FADS2: variants seen among roughly 807,000 people sequenced by gnomAD.
FADS2 encodes fatty acid desaturase 2.
In FADS2, 18 loss-of-function variants were observed where a neutral mutation model predicts 61.2. That is an observed-to-expected ratio of 0.29 (90% CI 0.20 to 0.44). The LOEUF is 0.44. Ranked by LOEUF, FADS2 falls within the 20% of genes least tolerant of loss-of-function variation. FADS2 has a pLI of 1.00. For synonymous variants in FADS2, 203 were observed against 223.9 expected (o/e 0.91, Z 0.83); for missense variants, 322 against 572.7 (o/e 0.56, Z 4.47).
intron 5 of FADS2, among the ~76,000 whole-genome samples, chr11:61,852,221 G>A (rs1239606310): frequency 1.3e-5 from 2 of 152,138 alleles, no homozygotes; most frequent in Admixed American, 6.5e-5. Context: ...TTGGAAGCTC[G>A]TAGTGGGGTG....
chr11:61,825,690 A>G (rs1450269186), upstream of FADS2, among the ~76,000 whole-genome samples: 1 of 151,374 alleles, frequency 6.6e-6, no homozygotes, highest in African/African-American at 2.4e-5. Flanking sequence ...CAGGAGATCG[A>G]GACCATCCTG....
intron 1 of FADS2, among the ~76,000 whole-genome samples, chr11:61,818,591 A>T (rs1247958691): frequency 6.6e-6 from 1 of 152,230 alleles, no homozygotes; most frequent in East Asian, 1.9e-4. Context: ...ATCTGTTAAC[A>T]CAATGAAGAA....
intron 5 of FADS2, among the ~76,000 whole-genome samples, chr11:61,850,109 T>C (rs1339178407): frequency 3.3e-5 from 5 of 151,994 alleles, no homozygotes; most frequent in African/African-American, 1.2e-4. Flanking sequence ...TGGATGCCCT[T>C]CCCCCCCAGT....
At chr11:61,863,407 C>T in intron 9 of FADS2, 29 bp downstream of exon 9, 1 of 1,513,840 alleles carries the variant, frequency 6.6e-7, no homozygotes, top group Non-Finnish European at 9.2e-7. Flanking sequence ...GTCACCAGAG[C>T]CTGGTCCCAA....
At chr11:61,845,935 CATCT>C (rs2067255000) in intron 4 of FADS2, among the ~76,000 whole-genome samples, 1 of 152,104 alleles carries the variant, frequency 6.6e-6, no homozygotes, top group African/African-American at 2.4e-5. Context: ...TGCTTTCCTC[CATCT>C]GTTTGTTCAA....
chr11:61,833,603 A>G (rs1311639851), intron 1 of FADS2, among the ~76,000 whole-genome samples: 1 of 152,170 alleles, frequency 6.6e-6, no homozygotes, highest in African/African-American at 2.4e-5. Flanking sequence ...CTGATTTCTT[A>G]TCTCTAAAAA....
intron 5 of FADS2, among the ~76,000 whole-genome samples, chr11:61,853,438 AGCTGAGTTTAATAGCGGTGATATTG>A (rs1193556310): frequency 6.6e-6 from 1 of 151,530 alleles, no homozygotes; most frequent in Non-Finnish European, 1.5e-5. Context: ...GAAATTTCAG[AGCTGAGTTTAATAGCGGTGATATTG>A]GCAGCAGCCT....
rs980538490 is a variant in FADS2 at position 61,865,838 on chromosome 11, C to G, written c.*149C>G. On this transcript the variant is annotated 3_prime_UTR_variant, in exon 12 of 12. Coordinates refer to ENST00000278840, the MANE Select transcript of FADS2 (RefSeq NM_004265.4). The surrounding 1 kb of genome is among the most constrained non-coding windows in gnomAD (Gnocchi z 4.1). ...TTGGATCTTTCTCCCTTTCTCCTCT[C>G]CTTTTTCTCTTCACATCTCCCCCAT... 3 of 669,200 alleles carry G rather than the reference C, an allele frequency of 4.5e-6. No homozygotes were observed. The highest frequency in any genetic ancestry group is 3.6e-5 in the African/African-American group (2 of 55,676). The allele number at this position is 669,200 out of a possible 1,614,324, so 41.5% of individuals were successfully genotyped here.
intron 4 of FADS2, among the ~76,000 whole-genome samples, chr11:61,842,176 G>A (rs2067223047): frequency 6.6e-6 from 1 of 152,146 alleles, no homozygotes; most frequent in Admixed American, 6.5e-5. Context: ...AGACCGCAAC[G>A]GGGCCCTTGG....
chr11:61,851,802 G>A (rs780206950), intron 5 of FADS2, among the ~76,000 whole-genome samples: 4 of 152,260 alleles, frequency 2.6e-5, no homozygotes, highest in South Asian at 2.1e-4. Flanking sequence ...CGCGGGCTCC[G>A]CAGTAAAGCC....
chr11:61,857,251 G>T (rs2067368110), intron 6 of FADS2, among the ~76,000 whole-genome samples, 180 bp downstream of exon 6: 2 of 152,256 alleles, frequency 1.3e-5, no homozygotes, highest in South Asian at 4.1e-4. Flanking sequence ...GCCTGATGGG[G>T]ACACAGAGGC....
intron 1 of FADS2, among the ~76,000 whole-genome samples, chr11:61,821,977 T>G (rs1440983262): frequency 6.6e-6 from 1 of 151,852 alleles, no homozygotes; most frequent in East Asian, 1.9e-4. Context: ...TGCAGTCTTT[T>G]TTTTTTTTTT....
At chr11:61,826,274 T>TA, upstream of FADS2, 1 of 702,490 alleles carries the variant, frequency 1.4e-6, no homozygotes, top group Non-Finnish European at 2.6e-6. Context: ...TGTTTTTATG[T>TA]TTTTTCAGGA....
chr11:61,839,903 A>G (rs2067204135), intron 2 of FADS2, among the ~76,000 whole-genome samples: 1 of 152,230 alleles, frequency 6.6e-6, no homozygotes, highest in Admixed American at 6.5e-5. Flanking sequence ...TGATGTCTTC[A>G]AAGTTCACTC....
At chr11:61,836,823 C>G (rs1467341331) in intron 1 of FADS2, among the ~76,000 whole-genome samples, 1 of 152,154 alleles carries the variant, frequency 6.6e-6, no homozygotes, top group Non-Finnish European at 1.5e-5. Context: ...CCAATCCTAC[C>G]AATGTCTGGA....
intron 5 of FADS2, among the ~76,000 whole-genome samples, chr11:61,853,177 CAACAA>C (rs778323523): frequency 3.5e-4 from 30 of 85,156 alleles, no homozygotes; most frequent in African/African-American, 1.2e-3. Flanking sequence ...ACAACAACAA[CAACAA>C]AACAAAACAA....
In FADS2 at chr11:61,865,754, G is replaced by A. The variant is rs1591183642; in HGVS notation, c.*65G>A. 10 of 1,430,108 alleles carry A rather than the reference G, an allele frequency of 7.0e-6. No individual in the cohort carries two copies. Among genetic ancestry groups the A allele is most frequent in the Middle Eastern group, 1.8e-4 (1 of 5,712 alleles). The allele number at this position is 1,430,108 out of a possible 1,614,324, so 88.6% of individuals were successfully genotyped here. ...TGGGGTGATGGCCAGAGGAATGATG[G>A]GCTTTTGTTCTGAGGGGTGTCCGAG... On this transcript the variant is annotated 3_prime_UTR_variant, in exon 12 of 12. Coordinates refer to ENST00000278840, the MANE Select transcript of FADS2 (RefSeq NM_004265.4). The surrounding 1 kb of genome is among the most constrained non-coding windows in gnomAD (Gnocchi z 4.1).
intron 1 of FADS2, among the ~76,000 whole-genome samples, chr11:61,829,774 A>G (rs1448320539): frequency 6.6e-6 from 1 of 152,148 alleles, no homozygotes; most frequent in Non-Finnish European, 1.5e-5. Context: ...TAGGATGCCC[A>G]ACTGTTGGTG....
chr11:61,838,951 A>ACCATT (rs1483550023), intron 2 of FADS2, among the ~76,000 whole-genome samples: 1 of 151,958 alleles, frequency 6.6e-6, no homozygotes, highest in African/African-American at 2.4e-5. Context: ...CAGATCCTGC[A>ACCATT]CCATTTAGCA....
Sources: allele counts gnomAD v4.1 joint callset (sites outside exome capture counted in the v4.1 genomes callset), GRCh38; gene constraint gnomAD v4.1.1; non-coding constraint Gnocchi (gnomAD v3.1); transcripts MANE v1.5; gene names NCBI Gene and HGNC (gene_info 2026-07-23, HGNC 2026-07-21).